Variants in OPCML observed in about 807,000 individuals in gnomAD.
The protein encoded by OPCML is opioid-binding protein/cell adhesion molecule.
Under a neutral mutation model 37.8 loss-of-function variants are expected in OPCML, and 13 were observed. The observed-to-expected ratio is 0.34, with a 90% CI of 0.22 to 0.55. OPCML has a LOEUF of 0.55. Among genes scored for constraint, OPCML ranks in the 20% least tolerant of loss-of-function variants. The pLI is 0.91. For missense variants in OPCML, 341 were observed against 435.6 expected, an observed-to-expected ratio of 0.78 and a Z score of 1.93; for synonymous variants, 176 against 168.8, an observed-to-expected ratio of 1.04 and a Z score of -0.33.
intron 2 of OPCML, among the ~76,000 whole-genome samples, chr11:132,767,774 A>T (rs1946503267): frequency 6.6e-6 from 1 of 152,176 alleles, no homozygotes; most frequent in Non-Finnish European, 1.5e-5. Context: ...ATGAAAACTA[A>T]GTAGAATATT....
At chr11:133,334,697 A>T (rs1049246950) in intron 1 of OPCML, among the ~76,000 whole-genome samples, 2 of 152,192 alleles carry the variant, frequency 1.3e-5, no homozygotes, top group Admixed American at 6.5e-5. Context: ...CTCTTTTCAG[A>T]TGTTAGGGTC....
chr11:132,746,844 G>A (rs762603107), intron 2 of OPCML, among the ~76,000 whole-genome samples: 1 of 152,102 alleles, frequency 6.6e-6, no homozygotes, highest in African/African-American at 2.4e-5. Flanking sequence ...TCCTTCAAGG[G>A]CAAGAGTGGC....
chr11:133,099,524 T>C (rs1018691500), intron 1 of OPCML, among the ~76,000 whole-genome samples: 1 of 151,120 alleles, frequency 6.6e-6, no homozygotes, highest in Admixed American at 6.6e-5. Context: ...CCTGGCCTTG[T>C]GATTCACCCA....
At chr11:132,653,138 C>A (rs537643149) in intron 3 of OPCML, among the ~76,000 whole-genome samples, 2 of 152,322 alleles carry the variant, frequency 1.3e-5, no homozygotes, top group South Asian at 4.1e-4. Context: ...TATCTCTAGA[C>A]CTCGTAAGCC....
In OPCML at chr11:132,943,501, C is replaced by T. The variant is rs1186447661; in HGVS notation, c.62-491G>A. 1.3e-5 allele frequency: 3 copies of T among 227,562 alleles called. No homozygotes were observed. Among genetic ancestry groups the T allele is most frequent in the Non-Finnish European group, 2.6e-5 (3 of 113,330 alleles). 14.1% of individuals were successfully genotyped at this position (227,562 alleles called of 1,614,324 possible). Reference sequence around the variant, plus strand: ...GAGCTCTGGCATCAAAAGTTTATAACCCAAAGAAGAAGGCAAGTGTCTCTG... The same window carrying T: ...GAGCTCTGGCATCAAAAGTTTATAATCCAAAGAAGAAGGCAAGTGTCTCTG... On this transcript the variant is annotated intron_variant, in intron 1 of 7. Coordinates refer to ENST00000524381, the MANE Select transcript of OPCML (RefSeq NM_001012393.5). The surrounding 1 kb of genome is among the most constrained non-coding windows in gnomAD (Gnocchi z 4.3).
At chr11:133,224,037 G>T (rs1326854287) in intron 1 of OPCML, among the ~76,000 whole-genome samples, 1 of 152,182 alleles carries the variant, frequency 6.6e-6, no homozygotes, top group African/African-American at 2.4e-5. Context: ...TAGAGAGGAA[G>T]GGGAGGGTGA....
rs1316565334 is a variant in OPCML, at chr11:133,314,028, G to A, written c.61+218236C>T. ...AGGCGGGCGGATCACGAGGTCAGGA[G>A]ATCGAGACCATCCCGGCTAACACGG... On this transcript the variant is annotated intron_variant, in intron 1 of 7. Transcript: ENST00000524381. Among the ~76,000 whole-genome samples the A allele has an allele frequency of 6.6e-5, 10 of 151,738 alleles. No individual in the cohort carries two copies. The South Asian group carries it at 1.7e-3, about 25-fold the overall frequency.
intron 1 of OPCML, among the ~76,000 whole-genome samples, chr11:133,297,037 G>A (rs542835152): frequency 2.0e-5 from 3 of 152,240 alleles, no homozygotes; most frequent in East Asian, 1.9e-4. Flanking sequence ...CATGTGCCCC[G>A]CCATGCTGCA....
At chr11:133,251,803 C>T (rs946945365) in intron 1 of OPCML, among the ~76,000 whole-genome samples, 1 of 152,134 alleles carries the variant, frequency 6.6e-6, no homozygotes, top group Non-Finnish European at 1.5e-5. Flanking sequence ...CCCTGTCATC[C>T]TAGAGTAGTG....
intron 2 of OPCML, among the ~76,000 whole-genome samples, chr11:132,776,048 G>C (rs1946799257): frequency 6.6e-6 from 1 of 152,066 alleles, no homozygotes; most frequent in South Asian, 2.1e-4. Flanking sequence ...TCCCACCTCA[G>C]CCTCCCAAGT....
At chr11:133,530,244 G>A (rs1307203653) in intron 1 of OPCML, among the ~76,000 whole-genome samples, 1 of 152,234 alleles carries the variant, frequency 6.6e-6, no homozygotes, top group Non-Finnish European at 1.5e-5. Context: ...CACCAGTGCA[G>A]TGCCACGGGA....
chr11:132,879,200 G>A lies in OPCML; in HGVS notation c.146+63726C>T, dbSNP rs533000264. The stretch of plus-strand genomic sequence containing the variant: ...ACTATTTCACACATATTTATAGAGC[G>A]TCTACTATATGGCAGCCATTCTAGG... On this transcript the variant is annotated intron_variant, in intron 2 of 7. Coordinates refer to ENST00000524381, the MANE Select transcript of OPCML (RefSeq NM_001012393.5). 2.7e-4 allele frequency among the ~76,000 whole-genome samples: 41 copies of A among 152,226 alleles called. No homozygotes were observed. In the South Asian group the frequency reaches 4.8e-3, roughly 18 times the overall value.
At chr11:132,706,362 C>A (rs1234486990) in intron 2 of OPCML, among the ~76,000 whole-genome samples, 1 of 152,160 alleles carries the variant, frequency 6.6e-6, no homozygotes, top group African/African-American at 2.4e-5. Context: ...GCCACCCCAA[C>A]AAAGCTGGTG....
intron 1 of OPCML, among the ~76,000 whole-genome samples, chr11:133,223,855 T>C (rs992413228): frequency 6.6e-6 from 1 of 152,204 alleles, no homozygotes; most frequent in Non-Finnish European, 1.5e-5. Flanking sequence ...TGGCCACATC[T>C]GACCCACCAG....
At chr11:133,256,693 C>T (rs1398692638) in intron 1 of OPCML, among the ~76,000 whole-genome samples, 1 of 151,948 alleles carries the variant, frequency 6.6e-6, no homozygotes, top group Non-Finnish European at 1.5e-5. Context: ...CAAAAAAGTT[C>T]CTTTAAAAAT....
At chr11:133,305,941 A>G (rs1175141343) in intron 1 of OPCML, among the ~76,000 whole-genome samples, 2 of 152,236 alleles carry the variant, frequency 1.3e-5, no homozygotes, top group African/African-American at 4.8e-5. Flanking sequence ...CTTATTTAGA[A>G]GTCTTAAATA....
chr11:133,454,391 G>A (rs1946634751), intron 1 of OPCML, among the ~76,000 whole-genome samples: 2 of 152,148 alleles, frequency 1.3e-5, no homozygotes, highest in Admixed American at 6.5e-5. Context: ...GGGGTTCAAA[G>A]CCATAGATTA....
intron 1 of OPCML, among the ~76,000 whole-genome samples, chr11:133,429,275 G>A (rs1946068632): frequency 6.6e-6 from 1 of 152,212 alleles, no homozygotes; most frequent in Non-Finnish European, 1.5e-5. Context: ...GTTCAAGAGA[G>A]ATGAAGGAGA....
intron 2 of OPCML, among the ~76,000 whole-genome samples, chr11:132,776,921 G>A (rs558198819): frequency 1.3e-5 from 2 of 152,100 alleles, no homozygotes; most frequent in African/African-American, 2.4e-5. Context: ...TCTATCAAAG[G>A]CCAGAGGGAT....
Sources: allele counts gnomAD v4.1 joint callset (sites outside exome capture counted in the v4.1 genomes callset), GRCh38; gene constraint gnomAD v4.1.1; non-coding constraint Gnocchi (gnomAD v3.1); transcripts MANE v1.5; gene names NCBI Gene and HGNC (gene_info 2026-07-23, HGNC 2026-07-21).